The following NUP160 variants were observed in gnomAD, a reference collection of about 807,000 sequenced individuals.
NUP160 encodes the protein nuclear pore complex protein Nup160.
A neutral mutation model predicts 196.9 loss-of-function variants in NUP160; 94 were observed. That is an observed-to-expected ratio of 0.48 (90% CI 0.40 to 0.57). The LOEUF (loss-of-function observed/expected upper bound fraction) is 0.57. Among genes scored for constraint, NUP160 ranks in the 20% least tolerant of loss-of-function variants. The pLI is 0.00. For missense variants in NUP160, 1,638 were observed against 1,748.3 expected (o/e 0.94, Z 1.13); for synonymous variants, 605 against 619.7 (o/e 0.98, Z 0.35).
At position 47,782,304 on chromosome 11, in the gene NUP160, ATATAT is replaced by A. The variant is rs1206091022; in HGVS notation, c.4116+764_4116+768del. Reference sequence around the variant, plus strand: ...AAAACTCAGTTAAAAAAAAAAAAAAATATATATATATATATATATATATATATATA... The same window carrying A: ...AAAACTCAGTTAAAAAAAAAAAAAAAATATATATATATATATATATATATA... On this transcript the variant is annotated intron_variant, in intron 34 of 35. Transcript: ENST00000378460. Among the ~76,000 whole-genome samples the A allele has an allele frequency of 1.4e-3, 74 of 52,106 alleles. 5 individuals carry two copies. The highest frequency in any genetic ancestry group is 3.2e-3 in the African/African-American group (43 of 13,590). 34.2% of individuals were successfully genotyped at this position (52,106 alleles called of 152,430 possible). A position where few individuals can be genotyped will look rare whatever the true frequency, so the allele number is the denominator to read the frequency against.
At chr11:47,780,009 C>T (rs540142540) in intron 35 of NUP160, among the ~76,000 whole-genome samples, 9 of 152,294 alleles carry the variant, frequency 5.9e-5, no homozygotes, top group African/African-American at 1.4e-4. Flanking sequence ...GGATTATAGG[C>T]GTGAGCCACT....
intron 17 of NUP160, among the ~76,000 whole-genome samples, chr11:47,811,189 T>C (rs992340484): frequency 2.6e-5 from 4 of 152,078 alleles, no homozygotes; most frequent in African/African-American, 9.7e-5. Context: ...ATCTCAAAAC[T>C]GTGTTTAGGG....
rs112493813 is a variant in NUP160, at chr11:47,791,731, T to G, written c.3511+199A>C. Among the ~76,000 whole-genome samples the G allele has an allele frequency of 6.8e-3, 1,039 of 152,300 alleles. 13 individuals carry two copies. The highest frequency in any genetic ancestry group is 0.023 in the African/African-American group (962 of 41,550). On this transcript the variant is annotated intron_variant, in intron 29 of 35. Coordinates refer to ENST00000378460, the Ensembl canonical transcript of NUP160. ...TCTCCAGAAAAAGAATCCAATATAC[T>G]TATTGAAAACAAAAATCTGTGTATA... is the stretch of plus-strand genomic sequence containing the variant.
chr11:47,820,321 ACTAC>A (rs746576310), intron 9 of NUP160: 7 of 152,198 alleles, frequency 4.6e-5, no homozygotes, highest in Non-Finnish European at 8.8e-5. Flanking sequence ...TGTATTTTTA[ACTAC>A]CTAAGGCTTG....
At position 47,808,387 on chromosome 11, in the gene NUP160, G is replaced by A; in HGVS notation, c.2375+9C>T. The stretch of plus-strand genomic sequence containing the variant: ...TTACATTTTAAATAATTGGGATAAT[G>A]AAACTCACAGTGTGTCAAGTGGAAC... On this transcript the variant is annotated intron_variant, in intron 18 of 35. Coordinates refer to ENST00000378460, the Ensembl canonical transcript of NUP160. 1 of 1,604,018 alleles carries A rather than the reference G, an allele frequency of 6.2e-7. No homozygotes were observed. The highest frequency in any genetic ancestry group is 8.5e-7 in the Non-Finnish European group (1 of 1,175,150).
At chr11:47,803,311 C>T in intron 22 of NUP160, 127 bp downstream of exon 22, 1 of 637,866 alleles carries the variant, frequency 1.6e-6, no homozygotes, top group Admixed American at 2.7e-5. Flanking sequence ...GGCATTAGTA[C>T]AGTCTTCTTT....
exon 26 of NUP160, chr11:47,798,031 G>A (rs995717877): frequency 1.0e-5 from 16 of 1,577,788 alleles, no homozygotes; most frequent in African/African-American, 4.4e-5. Flanking sequence ...AGCTGTGAGC[G>A]TTCACAAAGA....
chr11:47,844,216 ACCAG>A (rs1852357737), intron 2 of NUP160, among the ~76,000 whole-genome samples: 1 of 152,146 alleles, frequency 6.6e-6, no homozygotes, highest in South Asian at 2.1e-4. Context: ...GAATTGTGGC[ACCAG>A]CCTCCTAACT....
rs1468737045 is a variant in NUP160, at chr11:47,821,714, T to C, written c.1277+10A>G. 2 of 1,590,988 alleles carry C rather than the reference T, an allele frequency of 1.3e-6. No homozygotes were observed. Among genetic ancestry groups the C allele is most frequent in the South Asian group, 2.2e-5 (2 of 90,436 alleles). On this transcript the variant is annotated intron_variant, in intron 9 of 35. Coordinates refer to ENST00000378460, the Ensembl canonical transcript of NUP160. Reference sequence around the variant, plus strand: ...GGTGAGGTAGGATGACAGAATTAAGTGACCCATACTGTTCAAAGTTGATGT... The same window carrying C: ...GGTGAGGTAGGATGACAGAATTAAGCGACCCATACTGTTCAAAGTTGATGT...
chr11:47,805,121 T>C (rs550851420), intron 20 of NUP160, among the ~76,000 whole-genome samples: 1 of 152,196 alleles, frequency 6.6e-6, no homozygotes, highest in East Asian at 1.9e-4. Flanking sequence ...AATAAATATT[T>C]GTTGAATGAA....
At chr11:47,779,372 G>C (rs1216539306) in intron 35 of NUP160, among the ~76,000 whole-genome samples, 178 bp from the exon 36 acceptor site, 1 of 151,988 alleles carries the variant, frequency 6.6e-6, no homozygotes, top group Non-Finnish European at 1.5e-5. Context: ...GATAAAACTA[G>C]GCCTCTCTGT....
chr11:47,782,359 C>T (rs1359539593), intron 34 of NUP160, among the ~76,000 whole-genome samples: 2 of 108,790 alleles, frequency 1.8e-5, no homozygotes, highest in East Asian at 2.6e-4. Context: ...TATATATATG[C>T]GCCTATACCG....
intron 7 of NUP160, chr11:47,827,322 C>T (rs1165520431): frequency 1.8e-5 from 6 of 338,446 alleles, no homozygotes; most frequent in East Asian, 1.7e-4. Flanking sequence ...TGAGATTGCG[C>T]CACTGCACTC....
intron 20 of NUP160, among the ~76,000 whole-genome samples, chr11:47,805,228 C>T (rs146563675): frequency 2.4e-3 from 369 of 151,944 alleles, no homozygotes; most frequent in Middle Eastern, 0.014. Context: ...CTCCAAGGTT[C>T]AAGTGATTCT....
At chr11:47,789,301 C>CCTGG (rs1565188008) in intron 29 of NUP160, among the ~76,000 whole-genome samples, 2 of 152,162 alleles carry the variant, frequency 1.3e-5, no homozygotes. Context: ...AGCCACTGCA[C>CCTGG]CTGGCCTCAT....
At chr11:47,835,211 C>T (rs1307290979) in intron 7 of NUP160, among the ~76,000 whole-genome samples, 1 of 152,142 alleles carries the variant, frequency 6.6e-6, no homozygotes, top group African/African-American at 2.4e-5. Context: ...GGGACTGGCA[C>T]AGCACCAAAC....
At chr11:47,793,738 T>G (rs1161123507) in intron 27 of NUP160, among the ~76,000 whole-genome samples, 19 of 138,228 alleles carry the variant, frequency 1.4e-4, no homozygotes, top group African/African-American at 4.5e-4. Context: ...TTTTTTTTTT[T>G]TTTTTTTTTT....
intron 7 of NUP160, among the ~76,000 whole-genome samples, chr11:47,824,017 A>ATG (rs1354586090): frequency 1.9e-4 from 10 of 53,292 alleles, no homozygotes; most frequent in African/African-American, 3.9e-4. Flanking sequence ...GCATATATAT[A>ATG]TATATATATA....
At chr11:47,785,802 T>A (rs774974949) in intron 32 of NUP160, among the ~76,000 whole-genome samples, 3 of 152,166 alleles carry the variant, frequency 2.0e-5, no homozygotes, top group Non-Finnish European at 4.4e-5. Flanking sequence ...ATGTGCTAAT[T>A]TAGGGGTTGA....
Sources: allele counts gnomAD v4.1 joint callset (sites outside exome capture counted in the v4.1 genomes callset), GRCh38; gene constraint gnomAD v4.1.1; transcripts MANE v1.5; gene names NCBI Gene and HGNC (gene_info 2026-07-23, HGNC 2026-07-21).